The following DNER variants were observed in gnomAD, a reference collection of about 807,000 sequenced individuals.
The protein encoded by DNER is delta/notch like EGF repeat containing.
In DNER, 33 loss-of-function variants were observed where a neutral mutation model predicts 78.2. The ratio of observed to expected loss-of-function variants is 0.42; its 90% CI spans 0.32 to 0.56. The LOEUF (loss-of-function observed/expected upper bound fraction) is 0.56, where lower values mean the gene tolerates loss of function less well. Among genes scored for constraint, DNER ranks in the 20% least tolerant of loss-of-function variants. The pLI is 0.11. For missense variants in DNER, 918 were observed against 975.3 expected, an observed-to-expected ratio of 0.94 and a Z score of 0.78; for synonymous variants, 417 against 384.8, an observed-to-expected ratio of 1.08 and a Z score of -0.98.
intron 1 of DNER, among the ~76,000 whole-genome samples, chr2:229,708,305 A>T (rs1256244979): frequency 6.6e-6 from 1 of 152,350 alleles, no homozygotes; most frequent in East Asian, 1.9e-4. Flanking sequence ...GCACTTAAAA[A>T]GTACCAGTGC....
intron 3 of DNER, chr2:229,586,653 C>G (rs1697508801): frequency 1.0e-6 from 1 of 985,098 alleles, no homozygotes; most frequent in Non-Finnish European, 1.2e-6. Flanking sequence ...CAGCCCAATG[C>G]TTCAGCTACT....
intron 12 of DNER, among the ~76,000 whole-genome samples, chr2:229,359,147 GCA>G (rs1692157058): frequency 6.6e-6 from 1 of 152,152 alleles, no homozygotes; most frequent in Non-Finnish European, 1.5e-5. Context: ...ACACAAAAGG[GCA>G]GAGGTGGGAA....
chr2:229,466,545 A>G lies in DNER; in HGVS notation c.1261+10595T>C, dbSNP rs559294433. On this transcript the variant is annotated intron_variant, in intron 7 of 12. Transcript: ENST00000341772. ...GATTACCCCAGAGGAGCCCTGTCAC[A>G]CCCCTGATCATACTGTCCATGCTGT... Among the ~76,000 whole-genome samples the G allele has an allele frequency of 2.6e-4, 38 of 147,858 alleles. 1 individual carries two copies. The South Asian group carries it at 8.8e-3, about 34-fold the overall frequency.
chr2:229,585,675 G>GA lies in DNER; in HGVS notation c.847+182dup, dbSNP rs771171333. On this transcript the variant is annotated intron_variant, in intron 4 of 12. Coordinates refer to ENST00000341772, the MANE Select transcript of DNER (RefSeq NM_139072.4). ...ACTCCATCATCAAAAAAAAAAAAAA[G>GA]AAAAAAAGAAATATTATGTTAGAAT... is the stretch of plus-strand genomic sequence containing the variant. Among the ~76,000 whole-genome samples the GA allele has an allele frequency of 4.5e-3, 681 of 150,650 alleles. 7 individuals are homozygous for GA. The highest frequency in any genetic ancestry group is 5.5e-3 in the South Asian group (26 of 4,742).
At chr2:229,359,413 A>G (rs935583190) in intron 12 of DNER, among the ~76,000 whole-genome samples, 3 of 152,176 alleles carry the variant, frequency 2.0e-5, no homozygotes, top group African/African-American at 7.2e-5. Flanking sequence ...TTATTAAAAT[A>G]AAGCCAATTC....
chr2:229,617,560 T>A (rs182409604), intron 1 of DNER, among the ~76,000 whole-genome samples: 283 of 152,336 alleles, frequency 1.9e-3, no homozygotes, highest in African/African-American at 6.3e-3. Flanking sequence ...AAAAAAAAGT[T>A]TATATTTTTT....
At chr2:229,441,366 A>AG (rs1694231057) in intron 8 of DNER, among the ~76,000 whole-genome samples, 1 of 152,180 alleles carries the variant, frequency 6.6e-6, no homozygotes. Context: ...AAGACTACTA[A>AG]GGACACACCT....
intron 1 of DNER, among the ~76,000 whole-genome samples, chr2:229,695,414 A>G (rs1476717129): frequency 6.6e-6 from 1 of 150,972 alleles, no homozygotes; most frequent in Non-Finnish European, 1.5e-5. Flanking sequence ...ATAAGAATAT[A>G]TTTATTATAA....
At chr2:229,590,568 GC>G (rs1697584571) in intron 2 of DNER, among the ~76,000 whole-genome samples, 1 of 152,170 alleles carries the variant, frequency 6.6e-6, no homozygotes, top group South Asian at 2.1e-4. Flanking sequence ...AAGAGGTGGG[GC>G]CTTTGAGAGG....
At chr2:229,711,055 G>A (rs935676635) in intron 1 of DNER, among the ~76,000 whole-genome samples, 1 of 151,088 alleles carries the variant, frequency 6.6e-6, no homozygotes, top group Non-Finnish European at 1.5e-5. Flanking sequence ...ACATAATGGG[G>A]CTCTCTGGGG....
chr2:229,460,847 T>G (rs1383016902), intron 7 of DNER, among the ~76,000 whole-genome samples: 1 of 146,624 alleles, frequency 6.8e-6, no homozygotes, highest in Non-Finnish European at 1.5e-5. Context: ...GTTTCAAAAT[T>G]TAACGGAGAC....
chr2:229,429,456 G>A (rs1453683558), intron 8 of DNER, among the ~76,000 whole-genome samples: 4 of 152,148 alleles, frequency 2.6e-5, no homozygotes, highest in Non-Finnish European at 5.9e-5. Flanking sequence ...GGCATTGTCC[G>A]TGAGGTGGTA....
chr2:229,637,696 T>C (rs1698552062), intron 1 of DNER, among the ~76,000 whole-genome samples: 1 of 152,240 alleles, frequency 6.6e-6, no homozygotes, highest in South Asian at 2.1e-4. Context: ...ATTTGCAATG[T>C]AGAAATTGGC....
chr2:229,487,589 G>A (rs1157815230), intron 6 of DNER, among the ~76,000 whole-genome samples: 3 of 152,218 alleles, frequency 2.0e-5, no homozygotes, highest in Admixed American at 6.5e-5. Flanking sequence ...AGACAGACAA[G>A]TTAGGGGATT....
chr2:229,646,331 G>C (rs915200547), intron 1 of DNER, among the ~76,000 whole-genome samples: 1 of 152,160 alleles, frequency 6.6e-6, no homozygotes, highest in African/African-American at 2.4e-5. Flanking sequence ...GCCAAAAAAC[G>C]ATTTGGAAAA....
intron 10 of DNER, among the ~76,000 whole-genome samples, chr2:229,406,451 C>T (rs991533171): frequency 4.6e-5 from 7 of 152,058 alleles, no homozygotes; most frequent in East Asian, 1.9e-4. Context: ...ATTTTGTCTC[C>T]GGTGGTTTAG....
intron 7 of DNER, among the ~76,000 whole-genome samples, chr2:229,476,018 G>A (rs982799690): frequency 2.0e-5 from 3 of 152,128 alleles, no homozygotes; most frequent in East Asian, 3.9e-4. Flanking sequence ...CCAAGTTTTC[G>A]CATTTGTTTA....
At chr2:229,400,132 C>T (rs1435825411) in intron 10 of DNER, among the ~76,000 whole-genome samples, 1 of 151,918 alleles carries the variant, frequency 6.6e-6, no homozygotes, top group African/African-American at 2.4e-5. Context: ...TGATGAAAGG[C>T]AGTATTTGGT....
intron 11 of DNER, among the ~76,000 whole-genome samples, chr2:229,378,406 A>T (rs1486831388): frequency 6.6e-6 from 1 of 152,190 alleles, no homozygotes; most frequent in Non-Finnish European, 1.5e-5. Flanking sequence ...AGCTCCAGGC[A>T]TAGGGAACAG....
Sources: gnomAD v4.1 joint callset for allele counts (sites outside exome capture counted in the v4.1 genomes callset) on GRCh38, gnomAD v4.1.1 for gene constraint, MANE v1.5 for transcripts, NCBI Gene and HGNC (gene_info 2026-07-23, HGNC 2026-07-21) for gene names.